Variants in CRYBG1 observed in about 807,000 individuals in gnomAD.
CRYBG1 encodes crystallin beta-gamma domain containing 1.
CRYBG1 carries 139 observed loss-of-function variants against 189.2 expected under a neutral mutation model. The observed-to-expected ratio is 0.73, with a 90% CI of 0.64 to 0.85. The LOEUF (loss-of-function observed/expected upper bound fraction) is 0.85, where lower values mean the gene tolerates loss of function less well. CRYBG1 is among the 40% of genes least tolerant of loss of function. The pLI, the probability that CRYBG1 is intolerant of heterozygous loss-of-function variation, is 0.00. For missense variants in CRYBG1, 2,611 were observed against 2,675.8 expected, an observed-to-expected ratio of 0.98 and a Z score of 0.53; for synonymous variants, 1,023 against 1,017.1, an observed-to-expected ratio of 1.01 and a Z score of -0.11.
At chr6:106,564,924 T>G (rs1774831485) in intron 21 of CRYBG1, among the ~76,000 whole-genome samples, 2 of 152,200 alleles carry the variant, frequency 1.3e-5, no homozygotes, top group Admixed American at 6.5e-5. Context: ...TTTTAAATTT[T>G]TATGAGTATA....
intron 7 of CRYBG1, among the ~76,000 whole-genome samples, chr6:106,527,907 A>AT (rs1773790503): frequency 2.0e-5 from 3 of 152,240 alleles, no homozygotes; most frequent in Non-Finnish European, 4.4e-5. Context: ...ATGTGGGTTT[A>AT]ACAAAATATT....
intron 1 of CRYBG1, among the ~76,000 whole-genome samples, chr6:106,416,245 A>G (rs991556971): frequency 6.6e-6 from 1 of 152,240 alleles, no homozygotes; most frequent in Non-Finnish European, 1.5e-5. Flanking sequence ...TCCAGGGCCC[A>G]GAGTCCATAG....
At chr6:106,517,607 A>T (rs550508758) in intron 3 of CRYBG1, among the ~76,000 whole-genome samples, 2 of 152,088 alleles carry the variant, frequency 1.3e-5, no homozygotes, top group East Asian at 3.9e-4. Flanking sequence ...TTCTGCTTGA[A>T]AGGAGAGTGG....
At chr6:106,401,642 T>C (rs554580304) in intron 1 of CRYBG1, among the ~76,000 whole-genome samples, 180 of 113,654 alleles carry the variant, frequency 1.6e-3, no homozygotes, top group Middle Eastern at 7.5e-3. Flanking sequence ...CACCTATGAG[T>C]GAGAATATGC....
intron 1 of CRYBG1, among the ~76,000 whole-genome samples, chr6:106,440,812 A>G (rs1370007065): frequency 6.6e-6 from 1 of 152,232 alleles, no homozygotes; most frequent in African/African-American, 2.4e-5. Flanking sequence ...CTTTCTGATG[A>G]AACTGATGTT....
intron 1 of CRYBG1, among the ~76,000 whole-genome samples, chr6:106,398,399 G>A (rs1409439830): frequency 6.6e-6 from 1 of 152,018 alleles, no homozygotes; most frequent in African/African-American, 2.4e-5. Context: ...GGCTGAGATC[G>A]TGCTACTGTA....
chr6:106,518,801 AAT>A (rs938489489), intron 3 of CRYBG1, among the ~76,000 whole-genome samples: 15 of 152,188 alleles, frequency 9.9e-5, no homozygotes, highest in Non-Finnish European at 2.2e-4. Context: ...AAAAAATAAA[AAT>A]AAAAAAATTA....
chr6:106,425,018 G>C (rs1246488142), intron 1 of CRYBG1, among the ~76,000 whole-genome samples: 1 of 152,158 alleles, frequency 6.6e-6, no homozygotes, highest in Non-Finnish European at 1.5e-5. Context: ...CCCTGAGGAT[G>C]TTACCTTTCT....
intron 2 of CRYBG1, among the ~76,000 whole-genome samples, chr6:106,458,511 C>T (rs763342116): frequency 6.6e-6 from 1 of 152,146 alleles, no homozygotes; most frequent in African/African-American, 2.4e-5. Flanking sequence ...CCTTGTCAGA[C>T]TAGGAAGCCC....
At position 106,521,602 on chromosome 6, in the gene CRYBG1, T is replaced by C. The variant is rs577308007; in HGVS notation, c.4245+149T>C. The C allele has an allele frequency of 7.7e-4, 721 of 937,528 alleles. 6 individuals are homozygous for C. In the African/African-American group the frequency reaches 0.011, roughly 14 times the overall value. 58.1% of individuals were successfully genotyped at this position (937,528 alleles called of 1,614,324 possible). On this transcript the variant is annotated intron_variant, in intron 4 of 21. Coordinates refer to ENST00000633556, the MANE Select transcript of CRYBG1 (RefSeq NM_001371242.2). ...TCATCACATATTTGAAAACCTGCAA[T>C]GTACAAGGGACCGTTAGAGTGCAAG...
chr6:106,526,963 A>AC (rs1773753028), intron 6 of CRYBG1, among the ~76,000 whole-genome samples: 1 of 143,192 alleles, frequency 7.0e-6, no homozygotes. Flanking sequence ...AAAAAAAGAG[A>AC]CAAAAAAAAA....
At chr6:106,555,746 T>G (rs1485878633) in intron 16 of CRYBG1, 22 bp from the exon 17 acceptor site, 1 of 1,613,860 alleles carries the variant, frequency 6.2e-7, no homozygotes, top group South Asian at 1.1e-5. Flanking sequence ...TCTGTGCATG[T>G]GTGTGGTTTT....
chr6:106,525,011 G>A, intron 4 of CRYBG1, 122 bp from the exon 5 acceptor site: 1 of 930,828 alleles, frequency 1.1e-6, no homozygotes, highest in Admixed American at 2.1e-5. Context: ...CATTAGAGTG[G>A]AGGTTTCAAA....
At chr6:106,373,435 A>T (rs1770084225) in intron 1 of CRYBG1, among the ~76,000 whole-genome samples, 1 of 152,240 alleles carries the variant, frequency 6.6e-6, no homozygotes, top group South Asian at 2.1e-4. Context: ...AAGAGGAAAG[A>T]AAATGCTGGT....
chr6:106,539,596 G>A (rs1774084142), intron 9 of CRYBG1, 67 bp downstream of exon 9: 1 of 1,538,520 alleles, frequency 6.5e-7, no homozygotes, highest in Admixed American at 2.0e-5. Context: ...TTCACAGGGT[G>A]TGACTTTGAA....
intron 13 of CRYBG1, among the ~76,000 whole-genome samples, chr6:106,548,349 C>T (rs2114580040): frequency 6.6e-6 from 1 of 152,318 alleles, no homozygotes; most frequent in East Asian, 1.9e-4. Flanking sequence ...AACAACACTA[C>T]TGTCAGTTCA....
intron 2 of CRYBG1, among the ~76,000 whole-genome samples, chr6:106,484,200 A>ATG (rs914924224): frequency 8.5e-5 from 13 of 152,100 alleles, no homozygotes; most frequent in Admixed American, 8.5e-4. Context: ...CCATTGGTTT[A>ATG]TGTGTCATTT....
intron 2 of CRYBG1, among the ~76,000 whole-genome samples, chr6:106,460,946 C>A (rs1014784452): frequency 6.6e-6 from 1 of 152,110 alleles, no homozygotes; most frequent in African/African-American, 2.4e-5. Flanking sequence ...GCCACCATGC[C>A]CAGCTAATTT....
At chr6:106,504,029 GAAAAA>G (rs33971164) in intron 2 of CRYBG1, among the ~76,000 whole-genome samples, 2 of 88,548 alleles carry the variant, frequency 2.3e-5, no homozygotes, top group Non-Finnish European at 4.5e-5. Context: ...GACAGCATTA[GAAAAA>G]AAAAAAAAAA....
Sources: gnomAD v4.1 joint callset for allele counts (sites outside exome capture counted in the v4.1 genomes callset) on GRCh38, gnomAD v4.1.1 for gene constraint, MANE v1.5 for transcripts, NCBI Gene and HGNC (gene_info 2026-07-23, HGNC 2026-07-21) for gene names.